Variants in PCDHGB7 observed in about 807,000 individuals in gnomAD.
PCDHGB7 encodes the protein protocadherin gamma-B7.
A neutral mutation model predicts 61.4 loss-of-function variants in PCDHGB7; 37 were observed. The observed-to-expected ratio is 0.60, with a 90% CI of 0.46 to 0.79. The LOEUF is 0.79. Ranked by LOEUF, PCDHGB7 falls within the 30% of genes least tolerant of loss-of-function variation. PCDHGB7 has a pLI of 0.00. For missense variants in PCDHGB7, 1,166 were observed against 1,202.5 expected (o/e 0.97, Z 0.45); for synonymous variants, 464 against 503.5 (o/e 0.92, Z 1.05).
At chr5:141,428,146 C>T (rs549173211) in intron 1 of PCDHGB7, 15 of 1,589,346 alleles carry the variant, frequency 9.4e-6, no homozygotes, top group East Asian at 2.2e-5. Context: ...GGGCTGCACA[C>T]GGGAACCTGC....
chr5:141,491,932 G>A lies in PCDHGB7; in HGVS notation c.2416-2875G>A. Reference sequence around the variant, plus strand: ...GGCGACTGTGGGCGAGGGGAGGTGGGACCGACCCCCACCCCTACACTCAAA... The same window carrying A: ...GGCGACTGTGGGCGAGGGGAGGTGGAACCGACCCCCACCCCTACACTCAAA... On this transcript the variant is annotated intron_variant, in intron 1 of 3. Transcript: ENST00000398594. This position sits in a 1 kb window ranked among gnomAD's most constrained non-coding sequence, Gnocchi z 6.9. 1 of 1,259,014 alleles carries A rather than the reference G, an allele frequency of 7.9e-7. No homozygotes were observed. The highest frequency in any genetic ancestry group is 1.1e-6 in the Non-Finnish European group (1 of 926,048). The allele number at this position is 1,259,014 out of a possible 1,614,324, so 78.0% of individuals were successfully genotyped here. A position where few individuals can be genotyped will look rare whatever the true frequency, so the allele number is the denominator to read the frequency against.
At chr5:141,504,306 G>A (rs2099837315) in intron 2 of PCDHGB7, among the ~76,000 whole-genome samples, 1 of 152,076 alleles carries the variant, frequency 6.6e-6, no homozygotes, top group South Asian at 2.1e-4. Context: ...AACACTCGGA[G>A]TTTCTAAAAG....
At chr5:141,510,844 C>A in intron 3 of PCDHGB7, 103 bp from the exon 4 acceptor site, 1 of 1,592,684 alleles carries the variant, frequency 6.3e-7, no homozygotes, top group South Asian at 1.1e-5. Context: ...GTGGTCAAGG[C>A]CCAGGGTGCT....
At chr5:141,423,202 G>A (rs771252840) in intron 1 of PCDHGB7, 67 of 1,613,500 alleles carry the variant, frequency 4.2e-5, no homozygotes, top group Non-Finnish European at 5.5e-5. Context: ...CTCGGCCACC[G>A]TCACGCTCAC....
intron 1 of PCDHGB7, among the ~76,000 whole-genome samples, chr5:141,468,079 C>A (rs2099157359): frequency 6.6e-6 from 1 of 151,986 alleles, no homozygotes; most frequent in African/African-American, 2.4e-5. Context: ...AATCCCAGCA[C>A]TTTGGGAGGT....
chr5:141,489,405 G>A lies in PCDHGB7; in HGVS notation c.2416-5402G>A. ...ATGTTGCTCAGGATCTGGGCTTAAA[G>A]ATGACAGATCTGTTGAGCCGGCGGC... On this transcript the variant is annotated intron_variant, in intron 1 of 3. Transcript: ENST00000398594. This position sits in a 1 kb window ranked among gnomAD's most constrained non-coding sequence, Gnocchi z 4.5. The A allele has an allele frequency of 1.2e-6, 2 of 1,614,204 alleles. No individual in the cohort carries two copies. The highest frequency in any genetic ancestry group is 2.2e-5 in the South Asian group (2 of 91,088).
chr5:141,452,587 A>G (rs1171400700), intron 1 of PCDHGB7, among the ~76,000 whole-genome samples: 1 of 151,948 alleles, frequency 6.6e-6, no homozygotes, highest in Non-Finnish European at 1.5e-5. Context: ...CCATCTTTGT[A>G]TTTTTATTTT....
intron 1 of PCDHGB7, among the ~76,000 whole-genome samples, chr5:141,456,919 C>T (rs2098898169): frequency 1.3e-5 from 2 of 152,124 alleles, no homozygotes; most frequent in South Asian, 4.1e-4. Context: ...GCCGAGATCG[C>T]ACCACTGCAC....
rs2099415271 is a variant in PCDHGB7, at chr5:141,477,659, G to A, written c.2416-17148G>A. 6.2e-7 allele frequency: 1 copy of A among 1,614,194 alleles called. No individual in the cohort carries two copies. The highest frequency in any genetic ancestry group is 1.3e-5 in the African/African-American group (1 of 75,046). ...GGGTCGCTATTTCACAATAAATCGT[G>A]ACAATGGCATAGTGTCATCCTTAGT... On this transcript the variant is annotated intron_variant, in intron 1 of 3. Transcript: ENST00000398594. The surrounding 1 kb of genome is among the most constrained non-coding windows in gnomAD (Gnocchi z 4.9).
chr5:141,440,321 C>T (rs1048535776), intron 1 of PCDHGB7: 1 of 152,104 alleles, frequency 6.6e-6, no homozygotes, highest in African/African-American at 2.4e-5. Context: ...ACAAAAATTA[C>T]TGGGCATGGT....
At chr5:141,435,067 T>C (rs1381741674) in intron 1 of PCDHGB7, among the ~76,000 whole-genome samples, 1 of 152,168 alleles carries the variant, frequency 6.6e-6, no homozygotes, top group African/African-American at 2.4e-5. Flanking sequence ...CAGTTTTGTG[T>C]AGACCGTCTG....
At chr5:141,474,912 C>T (rs1018411233) in intron 1 of PCDHGB7, among the ~76,000 whole-genome samples, 6 of 152,214 alleles carry the variant, frequency 3.9e-5, no homozygotes, top group African/African-American at 1.2e-4. Flanking sequence ...CAAGGATATA[C>T]ATCTCATCTC....
intron 1 of PCDHGB7, among the ~76,000 whole-genome samples, chr5:141,425,406 T>C (rs915792432): frequency 3.9e-5 from 6 of 152,222 alleles, no homozygotes; most frequent in Non-Finnish European, 7.3e-5. Flanking sequence ...TCTGTTAAGG[T>C]ATAACATATA....
chr5:141,479,057 T>A (rs2099487107), intron 1 of PCDHGB7, among the ~76,000 whole-genome samples: 1 of 152,234 alleles, frequency 6.6e-6, no homozygotes, highest in East Asian at 1.9e-4. Context: ...TCTCAGATAA[T>A]TTTTTATGAA....
Position 141,484,647 on chromosome 5 carries a change from G to A in PCDHGB7, c.2416-10160G>A, listed in dbSNP as rs556711906. Among the ~76,000 whole-genome samples, 104 of 152,066 alleles carry A rather than the reference G, an allele frequency of 6.8e-4. 3 individuals carry two copies. Among genetic ancestry groups the A allele is most frequent in the East Asian group, 1.2e-3 (6 of 5,166 alleles). ...TGAACAAAGTGACCACTCTCCAATG[G>A]CTACTCTCCCTCTCAGTGGGCCGCA... On this transcript the variant is annotated intron_variant, in intron 1 of 3. Transcript: ENST00000398594.
At position 141,477,577 on chromosome 5, in the gene PCDHGB7, G is replaced by T; in HGVS notation, c.2416-17230G>T. Reference sequence around the variant, plus strand: ...TAAGTGTCTGGGACCCCGACGCCCCGCAGAATGCTCGGCTTTCTTTCTTTC... The same window carrying T: ...TAAGTGTCTGGGACCCCGACGCCCCTCAGAATGCTCGGCTTTCTTTCTTTC... On this transcript the variant is annotated intron_variant, in intron 1 of 3. Transcript: ENST00000398594. The surrounding 1 kb of genome is among the most constrained non-coding windows in gnomAD (Gnocchi z 4.9). 1.2e-6 allele frequency: 2 copies of T among 1,614,124 alleles called. No homozygotes were observed. Among genetic ancestry groups the T allele is most frequent in the Non-Finnish European group, 1.7e-6 (2 of 1,180,020 alleles).
rs761149166 is a variant in PCDHGB7 at position 141,510,977 on chromosome 5, G to C, written c.2594G>C (p.Gly865Ala). Residue 865 changes from glycine to alanine, a missense_variant, in exon 4 of 4, where the codon GGG (glycine) becomes GCG (alanine). Coordinates refer to ENST00000398594, the MANE Select transcript of PCDHGB7 (RefSeq NM_018927.4). Reference protein sequence around the residue: ...EAADGSSTLGGGAGTMGLSAR... With the variant: ...EAADGSSTLGAGAGTMGLSAR... ...GCTGATGGGAGCTCCACCCTGGGAG[G>C]GGGTGCCGGCACCATGGGATTGAGC... 9 of 1,614,052 alleles carry C rather than the reference G, an allele frequency of 5.6e-6. No individual in the cohort carries two copies. The Admixed American group carries it at 1.3e-4, about 24-fold the overall frequency.
intron 1 of PCDHGB7, among the ~76,000 whole-genome samples, chr5:141,438,833 T>C (rs989612425): frequency 6.6e-6 from 1 of 150,476 alleles, no homozygotes; most frequent in Non-Finnish European, 1.5e-5. Context: ...AGCTAATTTT[T>C]TAAAATATTT....
At chr5:141,507,833 G>C (rs1184502436) in intron 3 of PCDHGB7, among the ~76,000 whole-genome samples, 2 of 152,172 alleles carry the variant, frequency 1.3e-5, no homozygotes, top group East Asian at 3.9e-4. Flanking sequence ...GGAGGTGGTG[G>C]GTCAGGCCCT....
Sources: gnomAD v4.1 joint callset for allele counts (sites outside exome capture counted in the v4.1 genomes callset) on GRCh38, gnomAD v4.1.1 for gene constraint, Gnocchi (gnomAD v3.1) non-coding constraint, MANE v1.5 for transcripts, NCBI Gene and HGNC (gene_info 2026-07-23, HGNC 2026-07-21) for gene names.